ALPK2: variants seen among roughly 807,000 people sequenced by gnomAD.
ALPK2 encodes the protein alpha-protein kinase 2.
Under a neutral mutation model 163.1 loss-of-function variants are expected in ALPK2, and 127 were observed. The ratio of observed to expected loss-of-function variants is 0.78; its 90% CI spans 0.67 to 0.90. The LOEUF is 0.90. ALPK2 is among the 40% of genes least tolerant of loss of function. The probability of loss-of-function intolerance (pLI) is 0.00; values close to 1 mark genes in which losing one functional copy is unlikely to be tolerated. For missense variants in ALPK2, 2,360 were observed against 2,589.6 expected (o/e 0.91, Z 1.92); for synonymous variants, 953 against 959.1 (o/e 0.99, Z 0.12).
chr18:58,587,729 A>G (rs2051994589), intron 3 of ALPK2, among the ~76,000 whole-genome samples: 1 of 152,200 alleles, frequency 6.6e-6, no homozygotes. Context: ...TAGAAAATTA[A>G]AGAGTTCTGG....
chr18:58,556,535 C>T (rs1054968607), intron 4 of ALPK2, among the ~76,000 whole-genome samples: 2 of 150,848 alleles, frequency 1.3e-5, no homozygotes, highest in Non-Finnish European at 2.9e-5. Flanking sequence ...ACCTTCAATA[C>T]GTGTCAGCTG....
chr18:58,532,491 C>T (rs1481210795), intron 5 of ALPK2, among the ~76,000 whole-genome samples: 7 of 152,194 alleles, frequency 4.6e-5, no homozygotes, highest in Non-Finnish European at 7.3e-5. Context: ...GCTCCGTCAC[C>T]AGATGACTCC....
At chr18:58,586,524 C>G (rs1461258776) in intron 3 of ALPK2, among the ~76,000 whole-genome samples, 1 of 152,150 alleles carries the variant, frequency 6.6e-6, no homozygotes, top group Non-Finnish European at 1.5e-5. Context: ...ACCAGCTCCA[C>G]AGTAGTCTTG....
intron 4 of ALPK2, among the ~76,000 whole-genome samples, chr18:58,554,151 T>G (rs1004918112): frequency 1.3e-5 from 2 of 152,170 alleles, no homozygotes; most frequent in African/African-American, 4.8e-5. Flanking sequence ...TGAGCCTCTG[T>G]GCCCACCCTC....
chr18:58,566,130 T>C (rs2051851991), intron 4 of ALPK2, among the ~76,000 whole-genome samples: 1 of 152,208 alleles, frequency 6.6e-6, no homozygotes, highest in African/African-American at 2.4e-5. Flanking sequence ...TGAAAATCAT[T>C]TTGAAAAATT....
At chr18:58,568,571 G>T (rs1243639012) in intron 4 of ALPK2, among the ~76,000 whole-genome samples, 2 of 152,242 alleles carry the variant, frequency 1.3e-5, no homozygotes, top group East Asian at 3.9e-4. Context: ...CCGGGGTGGG[G>T]CTTGTATGTC....
At chr18:58,559,685 C>A (rs1161764840) in intron 4 of ALPK2, among the ~76,000 whole-genome samples, 1 of 152,204 alleles carries the variant, frequency 6.6e-6, no homozygotes, top group Non-Finnish European at 1.5e-5. Flanking sequence ...ATACTCTCCA[C>A]AAAGCTGGCT....
At chr18:58,626,358 G>C (rs2052230776) in intron 1 of ALPK2, among the ~76,000 whole-genome samples, 1 of 152,086 alleles carries the variant, frequency 6.6e-6, no homozygotes, top group Admixed American at 6.6e-5. Flanking sequence ...CCCTATCCTG[G>C]AAACTACACT....
At chr18:58,608,966 A>AAAAAGAAAAG (rs541331945) in intron 2 of ALPK2, among the ~76,000 whole-genome samples, 2 of 151,526 alleles carry the variant, frequency 1.3e-5, no homozygotes, top group African/African-American at 4.9e-5. Context: ...TCAAAAAAAA[A>AAAAAGAAAAG]AAAAGAAAAG....
At chr18:58,540,203 G>A (rs1171226196) in intron 4 of ALPK2, among the ~76,000 whole-genome samples, 1 of 152,170 alleles carries the variant, frequency 6.6e-6, no homozygotes, top group Non-Finnish European at 1.5e-5. Context: ...ATGAATAAAT[G>A]AATGAACCAT....
At chr18:58,531,218 A>T (rs529537463) in intron 5 of ALPK2, among the ~76,000 whole-genome samples, 4 of 152,298 alleles carry the variant, frequency 2.6e-5, no homozygotes, top group African/African-American at 7.2e-5. Flanking sequence ...ATAATTTTTT[A>T]AAAACATTAC....
chr18:58,562,638 G>C (rs530524947), intron 4 of ALPK2, among the ~76,000 whole-genome samples: 1 of 152,344 alleles, frequency 6.6e-6, no homozygotes, highest in South Asian at 2.1e-4. Flanking sequence ...TGGAGCTGTG[G>C]ATGTAATTTC....
At chr18:58,544,093 C>T (rs1001363722) in intron 4 of ALPK2, 2 of 152,142 alleles carry the variant, frequency 1.3e-5, no homozygotes, top group Admixed American at 6.5e-5. Context: ...GAGCCTAGCA[C>T]ATAGGGACTC....
chr18:58,491,421 A>G (rs1352171099), intron 12 of ALPK2, among the ~76,000 whole-genome samples: 5 of 152,306 alleles, frequency 3.3e-5, no homozygotes, highest in African/African-American at 1.2e-4. Context: ...AAACTTCCCC[A>G]GTTTCTCCTA....
chr18:58,502,133 TCC>T (rs200002584), intron 11 of ALPK2, among the ~76,000 whole-genome samples: 2,558 of 83,540 alleles, frequency 0.031, 43 homozygotes, highest in South Asian at 0.07. Flanking sequence ...AAACCCCATC[TCC>T]ACACACACAC....
At chr18:58,554,756 CAG>C (rs2051780583) in intron 4 of ALPK2, among the ~76,000 whole-genome samples, 1 of 152,156 alleles carries the variant, frequency 6.6e-6, no homozygotes, top group Admixed American at 6.5e-5. Flanking sequence ...TCATTGGAAC[CAG>C]CTTGATATGG....
intron 1 of ALPK2, among the ~76,000 whole-genome samples, chr18:58,626,611 C>T (rs963328003): frequency 6.6e-6 from 1 of 152,144 alleles, no homozygotes; most frequent in South Asian, 2.1e-4. Context: ...TATTAAAAAG[C>T]ATTCCCAGAG....
rs974430036 is a variant in ALPK2, at chr18:58,481,454, G to C, written c.*369C>G. 2 of 226,128 alleles carry C rather than the reference G, an allele frequency of 8.8e-6. No homozygotes were observed. Among genetic ancestry groups the C allele is most frequent in the Admixed American group, 1.0e-4 (2 of 19,082 alleles). 14.0% of individuals were successfully genotyped at this position (226,128 alleles called of 1,614,324 possible). A position where few individuals can be genotyped will look rare whatever the true frequency, so the allele number is the denominator to read the frequency against. On this transcript the variant is annotated 3_prime_UTR_variant, in exon 13 of 13. Transcript: ENST00000361673. ...AATCCCAGGTTAGGAATGACAGTGG[G>C]AAGAATTTTGGCTGTGAACAGACTC...
At position 58,538,230 on chromosome 18, in the gene ALPK2, A is replaced by G. The variant is rs751762178; in HGVS notation, c.1963-6T>C. The G allele has an allele frequency of 2.0e-5, 32 of 1,603,960 alleles. No homozygotes were observed. Among genetic ancestry groups the G allele is most frequent in the Non-Finnish European group, 2.7e-5 (32 of 1,178,118 alleles). On this transcript the variant is annotated splice_polypyrimidine_tract_variant and splice_region_variant and intron_variant, in intron 4 of 12. Coordinates refer to ENST00000361673, the MANE Select transcript of ALPK2 (RefSeq NM_052947.4). Reference sequence around the variant, plus strand: ...ACTGTTTCCTGAACTTGTACCTAGGAAGATGAAAAGTGATATTAGTAGAAT... The same window carrying G: ...ACTGTTTCCTGAACTTGTACCTAGGGAGATGAAAAGTGATATTAGTAGAAT...
Sources: gnomAD v4.1 joint callset for allele counts (sites outside exome capture counted in the v4.1 genomes callset) on GRCh38, gnomAD v4.1.1 for gene constraint, MANE v1.5 for transcripts, NCBI Gene and HGNC (gene_info 2026-07-23, HGNC 2026-07-21) for gene names.